INPP4B: variants seen among roughly 807,000 people sequenced by gnomAD.
The protein encoded by INPP4B is inositol polyphosphate-4-phosphatase type II B.
A neutral mutation model predicts 122.5 loss-of-function variants in INPP4B; 55 were observed. The observed-to-expected ratio is 0.45, with a 90% CI of 0.36 to 0.56. The LOEUF is 0.56. Ranked by LOEUF, INPP4B falls within the 20% of genes least tolerant of loss-of-function variation. The pLI is 0.00. For missense variants in INPP4B, 1,000 were observed against 1,097.7 expected, an observed-to-expected ratio of 0.91 and a Z score of 1.26; for synonymous variants, 403 against 388.7, an observed-to-expected ratio of 1.04 and a Z score of -0.43.
At chr4:142,570,461 T>G (rs1409117951) in intron 2 of INPP4B, among the ~76,000 whole-genome samples, 1 of 151,872 alleles carries the variant, frequency 6.6e-6, no homozygotes, top group Non-Finnish European at 1.5e-5. Flanking sequence ...AGGAGTAAAA[T>G]ACAAATGGAA....
chr4:142,464,175 T>A (rs1346459442), intron 2 of INPP4B, among the ~76,000 whole-genome samples: 1 of 152,138 alleles, frequency 6.6e-6, no homozygotes, highest in Non-Finnish European at 1.5e-5. Context: ...ATAAAACAAT[T>A]TACTATTATA....
chr4:142,241,378 T>G (rs1373546656), intron 11 of INPP4B, among the ~76,000 whole-genome samples: 3 of 152,168 alleles, frequency 2.0e-5, no homozygotes, highest in Non-Finnish European at 4.4e-5. Flanking sequence ...AGATCTTGAT[T>G]GACACATTCC....
At position 142,234,187 on chromosome 4, in the gene INPP4B, T is replaced by C. The variant is rs1386283931; in HGVS notation, c.836+3677A>G. Among the ~76,000 whole-genome samples the C allele has an allele frequency of 2.0e-5, 3 of 152,324 alleles. No homozygotes were observed. In the East Asian group the frequency reaches 5.8e-4, roughly 29 times the overall value. On this transcript the variant is annotated intron_variant, in intron 12 of 25. Coordinates refer to ENST00000262992, the MANE Select transcript of INPP4B (RefSeq NM_001101669.3). ...GAACACTTAAAATTATTTAGCAATGTCCAGCTCTTTGTCCTGCACATCTAA... is the reference window on the plus strand; with the variant it reads ...GAACACTTAAAATTATTTAGCAATGCCCAGCTCTTTGTCCTGCACATCTAA...
chr4:142,042,516 G>GTGTGTGTATGTA (rs1297140777), intron 25 of INPP4B, among the ~76,000 whole-genome samples: 1 of 48,128 alleles, frequency 2.1e-5, no homozygotes, highest in African/African-American at 4.0e-5. Flanking sequence ...TTATGTGTGT[G>GTGTGTGTATGTA]TGTATGTATG....
chr4:142,339,991 G>T (rs562753871), intron 7 of INPP4B, among the ~76,000 whole-genome samples: 5 of 152,196 alleles, frequency 3.3e-5, no homozygotes, highest in South Asian at 2.1e-4. Context: ...TACAAAGAAA[G>T]ATTTTTTTTT....
chr4:142,038,384 A>G (rs1470196506), intron 25 of INPP4B, among the ~76,000 whole-genome samples: 2 of 152,194 alleles, frequency 1.3e-5, no homozygotes, highest in African/African-American at 4.8e-5. Context: ...AAGCCCCTAA[A>G]TCAGGAAATT....
intron 25 of INPP4B, among the ~76,000 whole-genome samples, chr4:142,079,478 G>A (rs1772686913): frequency 6.6e-6 from 1 of 151,962 alleles, no homozygotes; most frequent in Non-Finnish European, 1.5e-5. Flanking sequence ...TCAGAATCCA[G>A]AATTTTGGGA....
In INPP4B at chr4:142,375,065, C is replaced by A. The variant is rs74805826; in HGVS notation, c.372+27873G>T. Among the ~76,000 whole-genome samples the A allele has an allele frequency of 8.4e-3, 1,280 of 151,820 alleles. 24 individuals carry two copies. Among genetic ancestry groups the A allele is most frequent in the African/African-American group, 0.028 (1,171 of 41,456 alleles). ...CCTTCTTTTTGCTACCCATCTTATA[C>A]GGTCTAATCACTCACTCCTTAATCT... On this transcript the variant is annotated intron_variant, in intron 7 of 25. Coordinates refer to ENST00000262992, the MANE Select transcript of INPP4B (RefSeq NM_001101669.3).
intron 1 of INPP4B, among the ~76,000 whole-genome samples, chr4:142,796,868 A>G (rs7658343): frequency 0.034 from 3,605 of 105,334 alleles, 97 homozygotes; most frequent in South Asian, 0.085. Context: ...CGGAAAACAG[A>G]TGTGTGTGTG....
Position 142,440,181 on chromosome 4 carries a change from G to T in INPP4B, c.-126-8796C>A, listed in dbSNP as rs569358034. On this transcript the variant is annotated intron_variant, in intron 3 of 25. Transcript: ENST00000262992. ...CCATGTGCAAGGCACTGAGCACACA[G>T]AAATAACTAACTTAGGATTGGCCTT... Among the ~76,000 whole-genome samples, 4 of 152,270 alleles carry T rather than the reference G, an allele frequency of 2.6e-5. No individual in the cohort carries two copies. In the South Asian group the frequency reaches 6.2e-4, roughly 24 times the overall value.
chr4:142,381,581 G>A (rs551177712), intron 7 of INPP4B, among the ~76,000 whole-genome samples: 1 of 151,960 alleles, frequency 6.6e-6, no homozygotes, highest in East Asian at 1.9e-4. Flanking sequence ...TACCATATAT[G>A]TCTTTTCTGG....
intron 2 of INPP4B, among the ~76,000 whole-genome samples, chr4:142,656,226 C>G (rs1483020393): frequency 6.6e-6 from 1 of 152,234 alleles, no homozygotes. Context: ...TCTCCATTCT[C>G]ACCCAATAGA....
At chr4:142,583,498 T>A (rs969281736) in intron 2 of INPP4B, 2 of 152,142 alleles carry the variant, frequency 1.3e-5, no homozygotes, top group African/African-American at 4.8e-5. Flanking sequence ...ATGCCTTCCA[T>A]CCCTTCCAAC....
intron 2 of INPP4B, among the ~76,000 whole-genome samples, chr4:142,694,087 A>T (rs956767326): frequency 6.6e-6 from 1 of 152,138 alleles, no homozygotes; most frequent in East Asian, 1.9e-4. Flanking sequence ...TAAAAAAGAA[A>T]GCTGACTGGG....
intron 2 of INPP4B, among the ~76,000 whole-genome samples, chr4:142,486,915 A>T (rs1304250312): frequency 6.6e-6 from 1 of 152,182 alleles, no homozygotes; most frequent in Non-Finnish European, 1.5e-5. Flanking sequence ...TCTTGTGGAC[A>T]TTGTATTTTG....
chr4:142,087,664 A>G (rs1477508180), intron 23 of INPP4B, among the ~76,000 whole-genome samples: 1 of 152,230 alleles, frequency 6.6e-6, no homozygotes, highest in African/African-American at 2.4e-5. Flanking sequence ...CTTCCTTACA[A>G]GTTCACAAAA....
chr4:142,594,890 G>A (rs1433870746), intron 2 of INPP4B, among the ~76,000 whole-genome samples: 1 of 150,222 alleles, frequency 6.7e-6, no homozygotes, highest in Non-Finnish European at 1.5e-5. Context: ...AGGAGGAGGA[G>A]GTTGCTGTGA....
chr4:142,795,645 G>C (rs1243750226), intron 1 of INPP4B: 1 of 151,946 alleles, frequency 6.6e-6, no homozygotes, highest in Non-Finnish European at 1.5e-5. Flanking sequence ...GCTTAGAACA[G>C]TATCTGTCAC....
chr4:142,463,649 G>T (rs1322130898), intron 2 of INPP4B, among the ~76,000 whole-genome samples: 1 of 152,114 alleles, frequency 6.6e-6, no homozygotes, highest in East Asian at 1.9e-4. Context: ...CCCACATGTT[G>T]TGAGAGGGAC....
Sources: allele counts gnomAD v4.1 joint callset (sites outside exome capture counted in the v4.1 genomes callset), GRCh38; gene constraint gnomAD v4.1.1; transcripts MANE v1.5; gene names NCBI Gene and HGNC (gene_info 2026-07-23, HGNC 2026-07-21).